The following MUC17 variants were observed in gnomAD, a reference collection of about 807,000 sequenced individuals.
MUC17 encodes the protein mucin 17, cell surface associated.
A neutral mutation model predicts 170.3 loss-of-function variants in MUC17; 190 were observed. The ratio of observed to expected loss-of-function variants is 1.12; its 90% CI spans 0.99 to 1.26. The LOEUF is 1.26. MUC17 is among the 50% of genes most tolerant of loss of function. The pLI, the probability that MUC17 is intolerant of heterozygous loss-of-function variation, is 0.00. For missense variants in MUC17, 6,415 were observed against 5,530.0 expected, an observed-to-expected ratio of 1.16 and a Z score of -5.08; for synonymous variants, 2,325 against 2,002.5, an observed-to-expected ratio of 1.16 and a Z score of -4.30.
At chr7:101,045,584 G>C (rs547468798) in intron 3 of MUC17, among the ~76,000 whole-genome samples, 2 of 151,946 alleles carry the variant, frequency 1.3e-5, no homozygotes, top group Non-Finnish European at 2.9e-5. Context: ...GTAGAGACAG[G>C]GTTTCACCAT....
chr7:101,042,245 C>T lies in MUC17; in HGVS notation c.10829C>T (p.Ser3610Phe). 2 of 1,614,208 alleles carry T rather than the reference C, an allele frequency of 1.2e-6. No homozygotes were observed. Among genetic ancestry groups the T allele is most frequent in the Non-Finnish European group, 1.7e-6 (2 of 1,180,034 alleles). ...SVDRSTPVTT[S>F]TQSNSTPTPP... The stretch of plus-strand genomic sequence containing the variant: ...GACAGAAGCACACCTGTGACCACTT[C>T]TACTCAGAGCAATTCTACTCCTACA... The change falls in exon 3 of 13, where the codon TCT becomes TTT. Residue 3610 changes from serine (S) to phenylalanine (F), a missense_variant. Physicochemically the swap from Ser to Phe is radical, Grantham distance 155 (BLOSUM62 -2). Transcript: ENST00000306151.
At chr7:101,057,699 G>C (rs1043875147) in intron 12 of MUC17, among the ~76,000 whole-genome samples, 1 of 152,124 alleles carries the variant, frequency 6.6e-6, no homozygotes, top group Non-Finnish European at 1.5e-5. Flanking sequence ...GGGCAACATA[G>C]TGAAACCTCA....
intron 11 of MUC17, among the ~76,000 whole-genome samples, chr7:101,055,067 C>T (rs1305944519): frequency 6.6e-6 from 1 of 151,914 alleles, no homozygotes; most frequent in Non-Finnish European, 1.5e-5. Context: ...GAAATCGCAC[C>T]ACTACACTCC....
chr7:101,052,069 G>T lies in MUC17; in HGVS notation c.13103+107G>T, dbSNP rs1794958811. ...CCTGGAGACCAAGGTCATGGGACTA[G>T]GTCCCAGCGTCTCCTGAATGTGTCC... On this transcript the variant is annotated intron_variant, in intron 9 of 12. Transcript: ENST00000306151. 2.3e-6 allele frequency: 3 copies of T among 1,307,590 alleles called. No individual in the cohort carries two copies. In the East Asian group the frequency reaches 7.0e-5, roughly 30 times the overall value. 81.0% of individuals were successfully genotyped at this position (1,307,590 alleles called of 1,614,324 possible).
Position 101,038,525 on chromosome 7 carries a change from C to T in MUC17, c.7109C>T (p.Thr2370Ile). The change falls in exon 3 of 13, where the codon ACT (threonine) becomes ATT (isoleucine). Residue 2370 changes from threonine (T) to isoleucine (I), a missense_variant. Physicochemically the swap from Thr to Ile is moderately conservative, Grantham distance 89. Transcript: ENST00000306151. ...TTPADTSTPV[T>I]TYSQAGSSPT... Reference sequence around the variant, plus strand: ...CCTGCTGACACCAGCACACCTGTGACTACTTATTCTCAAGCCGGTTCATCT... The same window carrying T: ...CCTGCTGACACCAGCACACCTGTGATTACTTATTCTCAAGCCGGTTCATCT... The T allele has an allele frequency of 6.2e-7, 1 of 1,613,846 alleles. No homozygotes were observed. Among genetic ancestry groups the T allele is most frequent in the Non-Finnish European group, 8.5e-7 (1 of 1,179,790 alleles).
In MUC17 at chr7:101,040,942, G is replaced by A; in HGVS notation, c.9526G>A (p.Val3176Ile). The A allele has an allele frequency of 2.5e-6, 4 of 1,613,496 alleles. No individual in the cohort carries two copies. The highest frequency in any genetic ancestry group is 3.4e-6 in the Non-Finnish European group (4 of 1,179,882). The change falls in exon 3 of 13, where the codon GTA becomes ATA. Residue 3176 changes from valine (V) to isoleucine (I), a missense_variant. By Grantham distance (29) the Val-to-Ile change is conservative. Coordinates refer to ENST00000306151, the MANE Select transcript of MUC17 (RefSeq NM_001040105.2). ...ATATATGCCTGTCAGCACCATGCTG[G>A]TAGTCAGTTCTGAGGATAGCACCCT... The part of the protein sequence containing the change: ...LTYMPVSTML[V>I]VSSEDSTLSA...
At position 101,040,631 on chromosome 7, in the gene MUC17, A is replaced by T. The variant is rs137907906; in HGVS notation, c.9215A>T (p.Asp3072Val). Reference sequence around the variant, plus strand: ...AGCACCCTTTCAACAACTCCTGTTGACTCCAACAGTCCTGTGGTCACTTCT... The same window carrying T: ...AGCACCCTTTCAACAACTCCTGTTGTCTCCAACAGTCCTGTGGTCACTTCT... Reference protein sequence around the residue: ...EASTLSTTPVDSNSPVVTSTE... With the variant: ...EASTLSTTPVVSNSPVVTSTE... The change falls in exon 3 of 13, where the codon GAC (aspartate) becomes GTC (valine). Residue 3072 changes from aspartate (D) to valine (V), a missense_variant. By Grantham distance (152) the Asp-to-Val change is radical. Coordinates refer to ENST00000306151, the MANE Select transcript of MUC17 (RefSeq NM_001040105.2). 556 of 1,611,568 alleles carry T rather than the reference A, an allele frequency of 3.5e-4. 6 individuals are homozygous for T. In the East Asian group the frequency reaches 0.01, roughly 30 times the overall value.
At chr7:101,055,085 G>A (rs79427786) in intron 11 of MUC17, among the ~76,000 whole-genome samples, 16,839 of 152,088 alleles carry the variant, frequency 0.11, 1,135 homozygotes, top group African/African-American at 0.19. Flanking sequence ...TCCAGCCTGG[G>A]CAACAGAGCA....
rs1004710832 is a variant in MUC17, at chr7:101,032,580, T to C, written c.1164T>C (p.Leu388=). ...AEATSMLTST[L]SEGSTPLTNM... is the part of the protein sequence containing the mutation. Reference sequence around the variant, plus strand: ...CTACCAGCATGCTAACCTCAACTCTTAGTGAAGGAAGCACTCCATTAACAA... The same window carrying C: ...CTACCAGCATGCTAACCTCAACTCTCAGTGAAGGAAGCACTCCATTAACAA... Residue 388 remains leucine (L), a synonymous_variant, in exon 3 of 13, where the codon CTT becomes CTC. Transcript: ENST00000306151. 2 of 1,613,468 alleles carry C rather than the reference T, an allele frequency of 1.2e-6. No individual in the cohort carries two copies. The highest frequency in any genetic ancestry group is 1.7e-6 in the Non-Finnish European group (2 of 1,179,824).
chr7:101,029,313 G>A (rs1304590543), intron 1 of MUC17, among the ~76,000 whole-genome samples: 2 of 146,658 alleles, frequency 1.4e-5, no homozygotes. Context: ...CAGAGATCGC[G>A]CCACTGCACT....
Position 101,040,914 on chromosome 7 carries a change from A to T in MUC17, c.9498A>T (p.Leu3166Phe), listed in dbSNP as rs754316309. ...TSTPSEGSTP[L>F]TYMPVSTMLV... Reference sequence around the variant, plus strand: ...CTCCTAGTGAAGGAAGTACTCCATTAACATATATGCCTGTCAGCACCATGC... The same window carrying T: ...CTCCTAGTGAAGGAAGTACTCCATTTACATATATGCCTGTCAGCACCATGC... Residue 3166 changes from leucine (L) to phenylalanine (F), a missense_variant, in exon 3 of 13, where the codon TTA (leucine) becomes TTT (phenylalanine). Transcript: ENST00000306151. 2.1e-5 allele frequency: 34 copies of T among 1,613,534 alleles called. No individual in the cohort carries two copies. Among genetic ancestry groups the T allele is most frequent in the Middle Eastern group, 1.7e-4 (1 of 6,058 alleles).
chr7:101,037,482 C>T lies in MUC17; in HGVS notation c.6066C>T (p.Gly2022=). ...CTCCTGCCACCACTTCTACTGAAGG[C>T]AGTTCATCTCCTACAACTGCAGGAG... The part of the protein sequence containing the change: ...TSTPATTSTE[G]SSSPTTAGGT... Residue 2022 remains glycine (G), a synonymous_variant, in exon 3 of 13, where the codon GGC becomes GGT. Coordinates refer to ENST00000306151, the MANE Select transcript of MUC17 (RefSeq NM_001040105.2). The T allele has an allele frequency of 6.2e-7, 1 of 1,612,842 alleles. No homozygotes were observed. The highest frequency in any genetic ancestry group is 8.5e-7 in the Non-Finnish European group (1 of 1,179,322).
rs1361215043 is a variant in MUC17, at chr7:101,034,086, T to C, written c.2670T>C (p.Val890=). 3.2e-6 allele frequency: 5 copies of C among 1,584,822 alleles called. No individual in the cohort carries two copies. The Admixed American group carries it at 8.6e-5, about 27-fold the overall frequency. Residue 890 remains valine (V), a synonymous_variant, in exon 3 of 13, where the codon GTT becomes GTC. Coordinates refer to ENST00000306151, the MANE Select transcript of MUC17 (RefSeq NM_001040105.2). ...TCAGCACCCTTTCAACAACTCCTGT[T>C]GACACCAGCACACCTGTGACCAATT... ...SAISTLSTTP[V]DTSTPVTNST...
In MUC17 at chr7:101,040,350, A is replaced by G; in HGVS notation, c.8934A>G (p.Pro2978=). ...SPTTAEGTSM[P]ISTPGERRTP... ...CAACTGCTGAAGGTACCAGCATGCC[A>G]ATCTCAACTCCTGGCGAAAGAAGAA... Residue 2978 remains proline (P), a synonymous_variant, in exon 3 of 13, where the codon CCA becomes CCG. Coordinates refer to ENST00000306151, the MANE Select transcript of MUC17 (RefSeq NM_001040105.2). The G allele has an allele frequency of 2.5e-6, 4 of 1,612,654 alleles. No homozygotes were observed. The East Asian group carries it at 8.9e-5, about 36-fold the overall frequency.
intron 1 of MUC17, among the ~76,000 whole-genome samples, chr7:101,021,178 CTCCT>C (rs1794071289): frequency 1.4e-5 from 2 of 141,820 alleles, no homozygotes; most frequent in East Asian, 2.2e-4. Flanking sequence ...CCTCTGTCTC[CTCCT>C]TTTTTTTTTT....
rs770251001 is a variant in MUC17, at chr7:101,032,326, A to G, written c.910A>G (p.Ile304Val). 5 of 1,613,920 alleles carry G rather than the reference A, an allele frequency of 3.1e-6. No individual in the cohort carries two copies. The highest frequency in any genetic ancestry group is 2.2e-5 in the South Asian group (2 of 91,072). Residue 304 changes from isoleucine (I) to valine (V), a missense_variant, in exon 3 of 13, where the codon ATT becomes GTT. Transcript: ENST00000306151. ...TLSTTPAATN[I>V]PVITSTEASS... ...TTCAACAACTCCTGCTGCCACCAACATTCCTGTGATCACTTCTACTGAAGC... is the reference window on the plus strand; with the variant it reads ...TTCAACAACTCCTGCTGCCACCAACGTTCCTGTGATCACTTCTACTGAAGC...
chr7:101,035,102 C>T lies in MUC17; in HGVS notation c.3686C>T (p.Thr1229Met), dbSNP rs771303338. Reference protein sequence around the residue: ...TPLTSMPVRHTPVASSEASTL... With the variant: ...TPLTSMPVRHMPVASSEASTL... Reference sequence around the variant, plus strand: ...TTAACAAGTATGCCTGTCAGACACACGCCAGTGGCCAGTTCTGAGGCTAGC... The same window carrying T: ...TTAACAAGTATGCCTGTCAGACACATGCCAGTGGCCAGTTCTGAGGCTAGC... The change falls in exon 3 of 13, where the codon ACG becomes ATG. Residue 1229 changes from threonine (T) to methionine (M), a missense_variant. Transcript: ENST00000306151. The T allele has an allele frequency of 1.5e-5, 24 of 1,611,868 alleles. No homozygotes were observed. Among genetic ancestry groups the T allele is most frequent in the Admixed American group, 3.3e-5 (2 of 59,816 alleles).
chr7:101,053,207 A>C (rs1794985056), intron 10 of MUC17, 60 bp downstream of exon 10: 1 of 1,589,230 alleles, frequency 6.3e-7, no homozygotes, highest in African/African-American at 1.4e-5. Context: ...CTTCCTCTGA[A>C]CCCTCTGTCT....
Position 101,053,512 on chromosome 7 carries a change from A to C in MUC17, c.13363+76A>C, listed in dbSNP as rs917098220. 2.5e-6 allele frequency: 3 copies of C among 1,178,120 alleles called. No homozygotes were observed. In the African/African-American group the frequency reaches 4.5e-5, roughly 18 times the overall value. The allele number at this position is 1,178,120 out of a possible 1,614,324, so 73.0% of individuals were successfully genotyped here. Reference sequence around the variant, plus strand: ...CTGGGTGCGGTGGGCTCACATCTGTAATCCCAGCACTTTGAAAGGCCAAGG... The same window carrying C: ...CTGGGTGCGGTGGGCTCACATCTGTCATCCCAGCACTTTGAAAGGCCAAGG... On this transcript the variant is annotated intron_variant, in intron 11 of 12. Transcript: ENST00000306151.
Sources: gnomAD v4.1 joint callset for allele counts (sites outside exome capture counted in the v4.1 genomes callset) on GRCh38, gnomAD v4.1.1 for gene constraint, MANE v1.5 for transcripts, NCBI Gene and HGNC (gene_info 2026-07-23, HGNC 2026-07-21) for gene names.